CRY1: variants seen among roughly 807,000 people sequenced by gnomAD.
CRY1 encodes the protein cryptochrome circadian regulator 1.
A neutral mutation model predicts 76.0 loss-of-function variants in CRY1; 45 were observed. The observed-to-expected ratio is 0.59, with a 90% CI of 0.47 to 0.76. CRY1 has a LOEUF of 0.76. CRY1 is among the 30% of genes least tolerant of loss of function. The pLI is 0.00. For synonymous variants in CRY1, 248 were observed against 244.0 expected (o/e 1.02, Z -0.15); for missense variants, 587 against 716.4 (o/e 0.82, Z 2.06).
At chr12:107,053,370 G>T (rs574876488) in intron 1 of CRY1, among the ~76,000 whole-genome samples, 1 of 152,124 alleles carries the variant, frequency 6.6e-6, no homozygotes, top group Non-Finnish European at 1.5e-5. Flanking sequence ...AGGCTGGAGT[G>T]CAATGGCGCA....
intron 1 of CRY1, among the ~76,000 whole-genome samples, chr12:107,029,989 C>A (rs1295056795): frequency 6.6e-6 from 1 of 152,056 alleles, no homozygotes; most frequent in African/African-American, 2.4e-5. Flanking sequence ...TAGGTAGTGA[C>A]CCTGAAGTAT....
intron 1 of CRY1, among the ~76,000 whole-genome samples, chr12:107,029,816 A>C (rs1189270780): frequency 1.3e-5 from 2 of 152,230 alleles, no homozygotes; most frequent in African/African-American, 4.8e-5. Context: ...GTAAATAAAT[A>C]CTACAGAACT....
At chr12:106,998,659 A>AAC (rs10522970) in intron 7 of CRY1, among the ~76,000 whole-genome samples, 14,480 of 143,270 alleles carry the variant, frequency 0.1, 830 homozygotes, top group Middle Eastern at 0.16. Flanking sequence ...TAAGAGATTA[A>AAC]ACACACACAC....
rs377002366 is a variant in CRY1, at chr12:107,088,871, ACCTTGTGC to A, written c.158+3925_158+3932del. 3.9e-3 allele frequency among the ~76,000 whole-genome samples: 600 copies of A among 152,098 alleles called. 5 individuals are homozygous for A. The highest frequency in any genetic ancestry group is 0.014 in the African/African-American group (567 of 41,462). ...AACAGTTTCATCATCTCAAAAAGAA[ACCTTGTGC>A]CCCTTAGCTATCACCTCCCAACTCC... On this transcript the variant is annotated intron_variant, in intron 1 of 12. Coordinates refer to ENST00000008527, the MANE Select transcript of CRY1 (RefSeq NM_004075.5).
chr12:107,014,068 T>A (rs978946578), intron 2 of CRY1, among the ~76,000 whole-genome samples: 1 of 151,952 alleles, frequency 6.6e-6, no homozygotes, highest in African/African-American at 2.4e-5. Context: ...TAACAAAAGC[T>A]CCCTCCACCA....
In CRY1 at chr12:106,997,623, C is replaced by T. The variant is rs1952248187; in HGVS notation, c.1357G>A (p.Gly453Ser). ...AAACATTTGGCTACCTTTTGGATAC[C>T]TTCTGGTGCATTCCAGGGATCATAG... ...YIYDPWNAPE[G>S]IQKVAKCLIG... The change falls in exon 9 of 13, where the codon GGT (glycine) becomes AGT (serine). Residue 453 changes from glycine to serine, a missense_variant. Transcript: ENST00000008527. 6.2e-7 allele frequency: 1 copy of T among 1,613,954 alleles called. No individual in the cohort carries two copies. Among genetic ancestry groups the T allele is most frequent in the Admixed American group, 1.7e-5 (1 of 60,004 alleles).
At chr12:107,072,047 T>C (rs1027070641) in intron 1 of CRY1, among the ~76,000 whole-genome samples, 3 of 152,124 alleles carry the variant, frequency 2.0e-5, no homozygotes, top group Admixed American at 6.5e-5. Flanking sequence ...TCATGGAAAC[T>C]TGTGCTCAAG....
chr12:107,048,232 C>T (rs1019550027), intron 1 of CRY1, among the ~76,000 whole-genome samples: 4 of 152,046 alleles, frequency 2.6e-5, no homozygotes, highest in African/African-American at 7.2e-5. Context: ...AGGCACCTGC[C>T]ACCACACCTG....
chr12:107,050,297 A>C (rs1445923421), intron 1 of CRY1: 1 of 152,148 alleles, frequency 6.6e-6, no homozygotes, highest in African/African-American at 2.4e-5. Flanking sequence ...AGACAGAATA[A>C]GTGATATGAT....
chr12:106,999,089 T>C (rs977081255), intron 7 of CRY1, among the ~76,000 whole-genome samples: 28 of 148,386 alleles, frequency 1.9e-4, no homozygotes, highest in African/African-American at 6.9e-4. Context: ...TTACGTGTAA[T>C]CCACAAGATG....
intron 2 of CRY1, among the ~76,000 whole-genome samples, chr12:107,019,931 C>CA (rs1285713812): frequency 2.7e-5 from 4 of 148,708 alleles, no homozygotes; most frequent in Non-Finnish European, 4.5e-5. Context: ...CAGCACCAAA[C>CA]AAAAAAAAAG....
intron 1 of CRY1, among the ~76,000 whole-genome samples, chr12:107,028,715 T>C (rs1593512291): frequency 6.6e-6 from 1 of 152,150 alleles, no homozygotes; most frequent in Non-Finnish European, 1.5e-5. Flanking sequence ...CACACCTACA[T>C]ACAGAATCAT....
At chr12:107,038,292 G>A (rs888642098) in intron 1 of CRY1, among the ~76,000 whole-genome samples, 2 of 152,122 alleles carry the variant, frequency 1.3e-5, no homozygotes, top group African/African-American at 4.8e-5. Context: ...CACATTTGTA[G>A]TAGTCTTAAG....
At chr12:107,017,427 G>A (rs887694456) in intron 2 of CRY1, among the ~76,000 whole-genome samples, 18 of 152,164 alleles carry the variant, frequency 1.2e-4, no homozygotes, top group African/African-American at 4.3e-4. Context: ...TTCTTTTATT[G>A]GTTTCACTCG....
intron 10 of CRY1, among the ~76,000 whole-genome samples, chr12:106,995,544 T>C (rs1199093536): frequency 6.6e-6 from 1 of 152,238 alleles, no homozygotes; most frequent in East Asian, 1.9e-4. Flanking sequence ...TGACATCTTA[T>C]GAAACTACAG....
In CRY1 at chr12:107,007,696, A is replaced by T. The variant is rs116596811; in HGVS notation, c.268-2448T>A. Among the ~76,000 whole-genome samples, 387 of 152,018 alleles carry T rather than the reference A, an allele frequency of 2.5e-3. 4 individuals carry two copies. Among genetic ancestry groups the T allele is most frequent in the African/African-American group, 8.7e-3 (361 of 41,462 alleles). On this transcript the variant is annotated intron_variant, in intron 2 of 12. Transcript: ENST00000008527. ...AGGCATGCACCACCATAACCAGCTA[A>T]CTTAATTTTTTTTCGTAAAGACAGG...
At chr12:107,038,497 G>A (rs183017028) in intron 1 of CRY1, among the ~76,000 whole-genome samples, 2 of 152,202 alleles carry the variant, frequency 1.3e-5, no homozygotes, top group Non-Finnish European at 2.9e-5. Flanking sequence ...AAGAAATGGA[G>A]GAAGGAAAAA....
At chr12:107,008,790 G>A (rs369048006) in intron 2 of CRY1, among the ~76,000 whole-genome samples, 2 of 152,204 alleles carry the variant, frequency 1.3e-5, no homozygotes, top group South Asian at 2.1e-4. Context: ...GGTGGGTTTC[G>A]CCCGTGCTGT....
At chr12:107,021,295 A>G (rs10861695) in intron 2 of CRY1, among the ~76,000 whole-genome samples, 76,593 of 151,746 alleles carry the variant, frequency 0.5, 20,261 homozygotes, top group East Asian at 0.72. Flanking sequence ...AAAAAAGAAA[A>G]AAAAAAGCAC....
Sources: allele counts gnomAD v4.1 joint callset (sites outside exome capture counted in the v4.1 genomes callset), GRCh38; gene constraint gnomAD v4.1.1; transcripts MANE v1.5; gene names NCBI Gene and HGNC (gene_info 2026-07-23, HGNC 2026-07-21).